SH3KBP1: variants seen among roughly 807,000 people sequenced by gnomAD.
SH3KBP1 encodes the protein SH3 domain-containing kinase-binding protein 1.
SH3KBP1 carries 8 observed loss-of-function variants against 50.1 expected under a neutral mutation model. The observed-to-expected ratio is 0.16, with a 90% CI of 0.09 to 0.29. The LOEUF (loss-of-function observed/expected upper bound fraction) is 0.29, where lower values mean the gene tolerates loss of function less well. SH3KBP1 is among the 10% of genes least tolerant of loss of function. The probability of loss-of-function intolerance (pLI) is 1.00; values close to 1 mark genes in which losing one functional copy is unlikely to be tolerated. For missense variants in SH3KBP1, 377 were observed against 535.2 expected (o/e 0.70, Z 2.92); for synonymous variants, 227 against 218.6 (o/e 1.04, Z -0.34).
At chrX:19,777,137 C>T (rs192727092) in intron 2 of SH3KBP1, among the ~76,000 whole-genome samples, 2 of 111,637 alleles carry the variant, frequency 1.8e-5, no homozygotes, top group Admixed American at 9.5e-5. Flanking sequence ...CCTTGAGCCT[C>T]CAAATGACAA....
At chrX:19,552,336 A>G (rs1325517403) in intron 13 of SH3KBP1, among the ~76,000 whole-genome samples, 5 of 111,211 alleles carry the variant, frequency 4.5e-5, no homozygotes, top group African/African-American at 1.6e-4. Flanking sequence ...GAAGAAGGAA[A>G]TAAGGCCCAG....
At position 19,535,416 on chromosome X, in the gene SH3KBP1, G is replaced by A. The variant is rs1189483413; in HGVS notation, c.*1001C>T. 8.1e-6 allele frequency: 1 copy of A among 123,934 alleles called. No homozygotes were observed. Among genetic ancestry groups the A allele is most frequent in the Non-Finnish European group, 1.6e-5 (1 of 60,967 alleles). 10.2% of individuals were successfully genotyped at this position (123,934 alleles called of 1,213,427 possible). On this transcript the variant is annotated 3_prime_UTR_variant, in exon 18 of 18. Coordinates refer to ENST00000397821, the MANE Select transcript of SH3KBP1 (RefSeq NM_031892.3). ...AACTTTCCCTCCCTTGTTTTCATTT[G>A]CATTTTACTTTTATTTATTTTTGCT...
chrX:19,845,797 AC>A (rs1279748676), intron 1 of SH3KBP1, among the ~76,000 whole-genome samples: 2 of 109,121 alleles, frequency 1.8e-5, no homozygotes, highest in Non-Finnish European at 3.8e-5. Flanking sequence ...TTTTAGTAGA[AC>A]GGGGTTTCGC....
chrX:19,568,913 T>C (rs1468749113), intron 13 of SH3KBP1, among the ~76,000 whole-genome samples, 190 bp downstream of exon 13: 7 of 112,607 alleles, frequency 6.2e-5, no homozygotes, highest in Admixed American at 1.9e-4. Flanking sequence ...GTCCCAGGCA[T>C]TGTGTTTTAA....
chrX:19,657,678 A>C (rs1472969511), intron 6 of SH3KBP1, among the ~76,000 whole-genome samples: 2 of 108,307 alleles, frequency 1.8e-5, no homozygotes, highest in South Asian at 4.0e-4. Context: ...CAGTGAGTCG[A>C]CATCACACCA....
At chrX:19,869,198 C>A (rs1257587507) in intron 1 of SH3KBP1, among the ~76,000 whole-genome samples, 1 of 112,086 alleles carries the variant, frequency 8.9e-6, no homozygotes, top group Non-Finnish European at 1.9e-5. Context: ...TCTGATTTCA[C>A]AAACTAGAAT....
chrX:19,592,946 C>T (rs752455821), intron 10 of SH3KBP1, among the ~76,000 whole-genome samples: 20 of 112,344 alleles, frequency 1.8e-4, no homozygotes, highest in African/African-American at 5.8e-4. Flanking sequence ...CCAGATATGA[C>T]GGAGCAGAGA....
chrX:19,776,057 A>C (rs1444496336), intron 2 of SH3KBP1, among the ~76,000 whole-genome samples: 1 of 111,681 alleles, frequency 9.0e-6, no homozygotes, highest in Non-Finnish European at 1.9e-5. Context: ...CCAAAGGACA[A>C]CAGAGTGTGC....
intron 7 of SH3KBP1, among the ~76,000 whole-genome samples, chrX:19,638,916 G>A (rs1483089895): frequency 8.9e-6 from 1 of 112,055 alleles, no homozygotes; most frequent in African/African-American, 3.2e-5. Context: ...TATACCAGCA[G>A]TTTGAAACTA....
intron 2 of SH3KBP1, among the ~76,000 whole-genome samples, chrX:19,760,067 T>TCTCTCTCTCTCTCTCTCTCTCA (rs2065363635): frequency 1.1e-5 from 1 of 88,790 alleles, no homozygotes; most frequent in Non-Finnish European, 2.3e-5. Flanking sequence ...TCTCTCTCTC[T>TCTCTCTCTCTCTCTCTCTCTCA]CTCTCTCTCT....
Position 19,542,154 on chromosome X carries a change from T to C in SH3KBP1, c.1663A>G (p.Thr555Ala), listed in dbSNP as rs1188499745. 8.4e-7 allele frequency: 1 copy of C among 1,193,093 alleles called. No homozygotes were observed. The highest frequency in any genetic ancestry group is 1.1e-6 in the Non-Finnish European group (1 of 885,034). ...GGCCCACCGCCACCTGCTGCCATGG[T>C]CCCCGGCTTGGGCGGCAGGGATGCT... ...NKASLPPKPGTMAAGGGGPAP... is the reference protein window; with the variant it reads ...NKASLPPKPGAMAAGGGGPAP... The change falls in exon 16 of 18, where the codon ACC becomes GCC. Residue 555 changes from threonine (T) to alanine (A), a missense_variant. Physicochemically the swap from Thr to Ala is moderately conservative, Grantham distance 58. Transcript: ENST00000397821.
intron 2 of SH3KBP1, among the ~76,000 whole-genome samples, chrX:19,746,925 T>C (rs1184886622): frequency 8.9e-6 from 1 of 112,494 alleles, no homozygotes; most frequent in Non-Finnish European, 1.9e-5. Context: ...AGTCATCAAG[T>C]TCCTCTGGCT....
chrX:19,852,495 A>G (rs754872001), intron 1 of SH3KBP1, among the ~76,000 whole-genome samples: 2 of 109,745 alleles, frequency 1.8e-5, no homozygotes, highest in South Asian at 4.0e-4. Context: ...AAAGAATCCA[A>G]CTCCCAGAGA....
chrX:19,874,447 T>TGG (rs57697310), intron 1 of SH3KBP1, among the ~76,000 whole-genome samples: 5 of 30,147 alleles, frequency 1.7e-4, no homozygotes, highest in African/African-American at 6.3e-4. Context: ...GGGGGCAAAG[T>TGG]GGGGGGGTGT....
intron 5 of SH3KBP1, among the ~76,000 whole-genome samples, chrX:19,695,279 T>C (rs1385733334): frequency 8.9e-6 from 1 of 111,856 alleles, no homozygotes; most frequent in Admixed American, 9.4e-5. Context: ...ACAATCCCAT[T>C]TGGTTCATTT....
chrX:19,582,305 G>C (rs770207273), intron 12 of SH3KBP1, among the ~76,000 whole-genome samples: 1 of 111,808 alleles, frequency 8.9e-6, no homozygotes, highest in Non-Finnish European at 1.9e-5. Context: ...AAACCCTCTT[G>C]TCACTATCAT....
intron 10 of SH3KBP1, among the ~76,000 whole-genome samples, chrX:19,594,398 A>T (rs766671605): frequency 1.7e-4 from 19 of 112,362 alleles, no homozygotes; most frequent in Non-Finnish European, 3.2e-4. Context: ...AGTGAATTAG[A>T]CTCTTCAAAA....
At chrX:19,563,453 C>G (rs996556424) in intron 13 of SH3KBP1, among the ~76,000 whole-genome samples, 1 of 111,997 alleles carries the variant, frequency 8.9e-6, no homozygotes, top group African/African-American at 3.3e-5. Context: ...ATTAGCTACG[C>G]CTCTGTAAGT....
chrX:19,689,239 CAAGT>C lies in SH3KBP1; in HGVS notation c.521-5215_521-5212del, dbSNP rs781575165. 1.7e-4 allele frequency among the ~76,000 whole-genome samples: 19 copies of C among 111,966 alleles called. No homozygotes were observed. In the East Asian group the frequency reaches 4.5e-3, roughly 26 times the overall value. On this transcript the variant is annotated intron_variant, in intron 5 of 17. Transcript: ENST00000397821. Reference sequence around the variant, plus strand: ...GAGGACTTTGATGACAAAAGTGCAGCAAGTAATAGTGGCTAGTTTTTATTCGGGC... The same window carrying C: ...GAGGACTTTGATGACAAAAGTGCAGCAATAGTGGCTAGTTTTTATTCGGGC...
Sources: gnomAD v4.1 joint callset for allele counts (sites outside exome capture counted in the v4.1 genomes callset) on GRCh38, gnomAD v4.1.1 for gene constraint, MANE v1.5 for transcripts, NCBI Gene and HGNC (gene_info 2026-07-23, HGNC 2026-07-21) for gene names.